Variants in TBX6 observed in about 807,000 individuals in gnomAD.
The protein encoded by TBX6 is T-box transcription factor 6.
Under a neutral mutation model 42.3 loss-of-function variants are expected in TBX6, and 29 were observed. That is an observed-to-expected ratio of 0.69 (90% CI 0.51 to 0.93). The LOEUF (loss-of-function observed/expected upper bound fraction) is 0.93, where lower values mean the gene tolerates loss of function less well. TBX6 is among the 40% of genes least tolerant of loss of function. TBX6 has a pLI of 0.00. For synonymous variants in TBX6, 249 were observed against 245.1 expected (o/e 1.02, Z -0.15); for missense variants, 569 against 603.3 (o/e 0.94, Z 0.59).
chr16:30,089,308 T>C (rs2072688890), intron 3 of TBX6, 98 bp from the exon 4 acceptor site: 3 of 1,467,276 alleles, frequency 2.0e-6, no homozygotes, highest in African/African-American at 2.8e-5. Flanking sequence ...TCCCCAGAGC[T>C]GTCAGAGAAA....
chr16:30,089,553 T>C (rs1008251612), intron 3 of TBX6, among the ~76,000 whole-genome samples: 3 of 152,048 alleles, frequency 2.0e-5, no homozygotes, highest in Non-Finnish European at 2.9e-5. Context: ...GAGGGTCACT[T>C]GAGCCTGGGA....
rs759654757 is a variant in TBX6 at position 30,090,965 on chromosome 16, A to C, written c.146T>G (p.Phe49Cys). Residue 49 changes from phenylalanine to cysteine, a missense_variant, in exon 3 of 9, where the codon TTC becomes TGC. By Grantham distance (205) the Phe-to-Cys change is radical. Around this residue, in one of 3 missense-constraint regions of TBX6, gnomAD observed 134 missense variants for 125.3 expected, o/e 1.07. Transcript: ENST00000395224. Reference sequence around the variant, plus strand: ...GGGAGCAGCCTCCATCCCGGAGAGGAAGCAATCCAGTTTAGGGGTGTCCAG... The same window carrying C: ...GGGAGCAGCCTCCATCCCGGAGAGGCAGCAATCCAGTTTAGGGGTGTCCAG... The part of the protein sequence containing the change: ...PELDTPKLDC[F>C]LSGMEAAPRT... 2 of 1,613,484 alleles carry C rather than the reference A, an allele frequency of 1.2e-6. No homozygotes were observed. The highest frequency in any genetic ancestry group is 1.3e-5 in the African/African-American group (1 of 75,020).
chr16:30,089,267 C>G (rs1182147291), intron 3 of TBX6, 57 bp from the exon 4 acceptor site: 1 of 1,566,944 alleles, frequency 6.4e-7, no homozygotes, highest in African/African-American at 1.4e-5. Context: ...AGGGGTGGGC[C>G]CAGCACCAGT....
At position 30,089,044 on chromosome 16, in the gene TBX6, T is replaced by G; in HGVS notation, c.520A>C (p.Ile174Leu). ...CCAGTGGCAGGAGAGTCGGGGTGAA[T>G]GTAGACACGGTCAGGCAGGCGGGGC... ...AEPRLPDRVY[I>L]HPDSPATGAH... is the part of the protein sequence containing the mutation. The change falls in exon 4 of 9, where the codon ATT becomes CTT. Residue 174 changes from isoleucine to leucine, a missense_variant. By Grantham distance (5) the Ile-to-Leu change is conservative. Coordinates refer to ENST00000395224, the MANE Select transcript of TBX6 (RefSeq NM_004608.4). 1 of 1,613,766 alleles carries G rather than the reference T, an allele frequency of 6.2e-7. No homozygotes were observed. Among genetic ancestry groups the G allele is most frequent in the Non-Finnish European group, 8.5e-7 (1 of 1,179,960 alleles).
chr16:30,090,692 T>C (rs1198874269), intron 3 of TBX6, 66 bp downstream of exon 3: 3 of 1,495,374 alleles, frequency 2.0e-6, no homozygotes, highest in South Asian at 2.6e-5. Flanking sequence ...CCTAGCCCCC[T>C]CCCCAGGGAC....
Position 30,088,337 on chromosome 16 carries a change from G to A in TBX6, c.839+208C>T, listed in dbSNP as rs951079944. 3.0e-6 allele frequency: 2 copies of A among 664,050 alleles called. No individual in the cohort carries two copies. Among genetic ancestry groups the A allele is most frequent in the Admixed American group, 2.5e-5 (1 of 39,690 alleles). 41.1% of individuals were successfully genotyped at this position (664,050 alleles called of 1,614,324 possible). ...ACTAGAAATCAGCTGCATGAGGGCC[G>A]GGGCTTTGGTTTGCTTTGTTTGTTT... On this transcript the variant is annotated intron_variant, in intron 6 of 8. Transcript: ENST00000395224. The surrounding 1 kb of genome is among the most constrained non-coding windows in gnomAD (Gnocchi z 4.1).
chr16:30,091,486 C>G, intron 1 of TBX6: 1 of 298,754 alleles, frequency 3.3e-6, no homozygotes, highest in Non-Finnish European at 6.2e-6. Context: ...CTTGATTGAT[C>G]CCCAGGGCTC....
chr16:30,086,775 C>T lies in TBX6; in HGVS notation c.913+3G>A, dbSNP rs765786087. The stretch of plus-strand genomic sequence containing the variant: ...GCCCCATCGCCATCGGGACTACACT[C>T]ACCTCCGCTCCCATAGGCCTCTGTG... On this transcript the variant is annotated splice_donor_region_variant and intron_variant, in intron 7 of 8. Transcript: ENST00000395224. The surrounding 1 kb of genome is among the most constrained non-coding windows in gnomAD (Gnocchi z 4.6). The T allele has an allele frequency of 2.5e-6, 4 of 1,613,982 alleles. No homozygotes were observed. Among genetic ancestry groups the T allele is most frequent in the Non-Finnish European group, 3.4e-6 (4 of 1,179,966 alleles).
rs888909791 is a variant in TBX6, at chr16:30,086,270, G to A, written c.1266C>T (p.Thr422=). Residue 422 remains threonine (T), a synonymous_variant, in exon 9 of 9, where the codon ACC becomes ACT. Coordinates refer to ENST00000395224, the MANE Select transcript of TBX6 (RefSeq NM_004608.4). The surrounding 1 kb of genome is among the most constrained non-coding windows in gnomAD (Gnocchi z 4.6). The part of the protein sequence containing the change: ...LQGGPFPLPY[T]APGGYLDVGS... ...CCACATCCAGATAGCCCCCAGGCGC[G>A]GTGTATGGTAGAGGGAAGGGGCCCC... 20 of 1,612,046 alleles carry A rather than the reference G, an allele frequency of 1.2e-5. No homozygotes were observed. Among genetic ancestry groups the A allele is most frequent in the Admixed American group, 8.4e-5 (5 of 59,820 alleles).
rs148489699 is a variant in TBX6, at chr16:30,090,925, C to G, written c.186G>C (p.Ala62=). The G allele has an allele frequency of 5.0e-6, 8 of 1,612,200 alleles. No individual in the cohort carries two copies. Among genetic ancestry groups the G allele is most frequent in the African/African-American group, 1.3e-5 (1 of 74,910 alleles). The change falls in exon 3 of 9, where the codon GCG becomes GCC. Residue 62 remains alanine (A), a synonymous_variant. Transcript: ENST00000395224. ...GGGGCAGAAGGGGCAGAGGTGGGTG[C>G]GCGGCCAGGGTGCGGGGAGCAGCCT... ...GMEAAPRTLA[A]HPPLPLLPPA...
rs1208524599 is a variant in TBX6 at position 30,088,845 on chromosome 16, A to T, written c.622-6T>A. The T allele has an allele frequency of 1.2e-6, 2 of 1,613,206 alleles. No individual in the cohort carries two copies. The highest frequency in any genetic ancestry group is 2.2e-5 in the South Asian group (2 of 91,076). ...TGCATGGAGTGCAGGATCAGCTGGGAGGGAGGAAATGGGAGTGATTCCCTG... is the reference window on the plus strand; with the variant it reads ...TGCATGGAGTGCAGGATCAGCTGGGTGGGAGGAAATGGGAGTGATTCCCTG... On this transcript the variant is annotated splice_region_variant and splice_polypyrimidine_tract_variant and intron_variant, in intron 4 of 8. Transcript: ENST00000395224. This position sits in a 1 kb window ranked among gnomAD's most constrained non-coding sequence, Gnocchi z 4.1.
intron 3 of TBX6, among the ~76,000 whole-genome samples, chr16:30,090,058 A>G (rs2072698755): frequency 6.6e-6 from 1 of 152,068 alleles, no homozygotes. Context: ...ACAGCAGGTT[A>G]GGAACAGAGC....
chr16:30,088,191 G>T lies in TBX6; in HGVS notation c.839+354C>A. ...GGCCTCAGGTGATCTGCCCGCCTCA[G>T]CCTCCCAGAGTGCTGGGATTACATG... On this transcript the variant is annotated intron_variant, in intron 6 of 8. Transcript: ENST00000395224. The surrounding 1 kb of genome is among the most constrained non-coding windows in gnomAD (Gnocchi z 4.1). 3.2e-6 allele frequency: 1 copy of T among 311,204 alleles called. No individual in the cohort carries two copies. The highest frequency in any genetic ancestry group is 6.2e-6 in the Non-Finnish European group (1 of 160,402). 19.3% of individuals were successfully genotyped at this position (311,204 alleles called of 1,614,324 possible).
At chr16:30,089,380 A>T (rs1286018158) in intron 3 of TBX6, among the ~76,000 whole-genome samples, 170 bp from the exon 4 acceptor site, 1 of 152,186 alleles carries the variant, frequency 6.6e-6, no homozygotes, top group Non-Finnish European at 1.5e-5. Context: ...CACACCTCTA[A>T]TCCCTATACT....
rs776911830 is a variant in TBX6 at position 30,086,313 on chromosome 16, G to C, written c.1223C>G (p.Ala408Gly). 6.2e-7 allele frequency: 1 copy of C among 1,610,196 alleles called. No homozygotes were observed. The highest frequency in any genetic ancestry group is 1.1e-5 in the South Asian group (1 of 90,908). Residue 408 changes from alanine to glycine, a missense_variant, in exon 9 of 9, where the codon GCC (alanine) becomes GGC (glycine). Ala to Gly is a moderately conservative substitution (Grantham distance 60). Coordinates refer to ENST00000395224, the MANE Select transcript of TBX6 (RefSeq NM_004608.4). This position sits in a 1 kb window ranked among gnomAD's most constrained non-coding sequence, Gnocchi z 4.6. ...YPAAPPAVPF[A>G]PHFLQGGPFP... The stretch of plus-strand genomic sequence containing the variant: ...GGGGCCCCCTTGGAGAAAGTGCGGG[G>C]CAAAGGGTACCGCCGGTGGAGCCGC...
chr16:30,090,108 G>C lies in TBX6; in HGVS notation c.353+650C>G, dbSNP rs74717448. Among the ~76,000 whole-genome samples the C allele has an allele frequency of 3.9e-4, 60 of 152,218 alleles. 1 individual carries two copies. In the East Asian group the frequency reaches 0.011, roughly 28 times the overall value. On this transcript the variant is annotated intron_variant, in intron 3 of 8. Transcript: ENST00000395224. ...CTCAAAGCCTATTTGCAGAAGCAGG[G>C]GTGACTAACTTTCTTGCTAGGAGCT...
At position 30,086,978 on chromosome 16, in the gene TBX6, A is replaced by G; in HGVS notation, c.840-127T>C. On this transcript the variant is annotated intron_variant, in intron 6 of 8. Coordinates refer to ENST00000395224, the MANE Select transcript of TBX6 (RefSeq NM_004608.4). The surrounding 1 kb of genome is among the most constrained non-coding windows in gnomAD (Gnocchi z 4.6). Reference sequence around the variant, plus strand: ...TCAGGTAGGGGCCATCATTATACCCATTTTATAGATGAAGAAACTGAAGGC... The same window carrying G: ...TCAGGTAGGGGCCATCATTATACCCGTTTTATAGATGAAGAAACTGAAGGC... 5 of 1,032,246 alleles carry G rather than the reference A, an allele frequency of 4.8e-6. No individual in the cohort carries two copies. The highest frequency in any genetic ancestry group is 6.9e-6 in the Non-Finnish European group (5 of 721,894). The allele number at this position is 1,032,246 out of a possible 1,614,324, so 63.9% of individuals were successfully genotyped here. A position where few individuals can be genotyped will look rare whatever the true frequency, so the allele number is the denominator to read the frequency against.
intron 3 of TBX6, 149 bp downstream of exon 3, chr16:30,090,609 A>G (rs2151033531): frequency 1.3e-6 from 1 of 778,348 alleles, no homozygotes; most frequent in East Asian, 2.8e-5. Flanking sequence ...CCTGCCACAG[A>G]GTAACCCTTG....
chr16:30,086,164 T>C lies in TBX6; in HGVS notation c.*61A>G. The C allele has an allele frequency of 2.6e-6, 4 of 1,553,784 alleles. No individual in the cohort carries two copies. Among genetic ancestry groups the C allele is most frequent in the African/African-American group, 2.9e-5 (2 of 68,552 alleles). On this transcript the variant is annotated 3_prime_UTR_variant, in exon 9 of 9. Coordinates refer to ENST00000395224, the MANE Select transcript of TBX6 (RefSeq NM_004608.4). The surrounding 1 kb of genome is among the most constrained non-coding windows in gnomAD (Gnocchi z 4.6). ...ATGGGGCCGGTGGAGGTGAGGGGGC[T>C]CCAGGGCTGGGGGAAGGGAGCGGGA...
Sources: allele counts gnomAD v4.1 joint callset (sites outside exome capture counted in the v4.1 genomes callset), GRCh38; gene constraint gnomAD v4.1.1; regional missense constraint gnomAD v4.1.1; non-coding constraint Gnocchi (gnomAD v3.1); transcripts MANE v1.5; gene names NCBI Gene and HGNC (gene_info 2026-07-23, HGNC 2026-07-21).